Variants in DTNA observed in about 807,000 individuals in gnomAD.
DTNA encodes dystrobrevin alpha, also known as dystrophin-related protein 3.
DTNA carries 43 observed loss-of-function variants against 100.7 expected under a neutral mutation model. The observed-to-expected ratio is 0.43, with a 90% CI of 0.33 to 0.55. The LOEUF is 0.55. Among genes scored for constraint, DTNA ranks in the 20% least tolerant of loss-of-function variants. DTNA has a pLI of 0.04. For synonymous variants in DTNA, 349 were observed against 347.9 expected (o/e 1.00, Z -0.04); for missense variants, 798 against 953.9 (o/e 0.84, Z 2.15).
chr18:34,879,791 G>A, intron 20 of DTNA, 72 bp downstream of exon 20: 6 of 1,580,406 alleles, frequency 3.8e-6, no homozygotes, highest in Non-Finnish European at 5.2e-6. Flanking sequence ...GAAAGTAAAA[G>A]CATAATTGTT....
rs554364357 is a variant in DTNA at position 34,814,669 on chromosome 18, G to A, written c.604-1240G>A. ...ATTGTGCCACTGCACTCCAGCCTGG[G>A]CAGCAGAGTGAGATCCTGTCTCTAA... On this transcript the variant is annotated intron_variant, in intron 6 of 22. Transcript: ENST00000444659. Among the ~76,000 whole-genome samples the A allele has an allele frequency of 3.3e-5, 5 of 152,062 alleles. No individual in the cohort carries two copies. The South Asian group carries it at 8.3e-4, about 25-fold the overall frequency.
intron 17 of DTNA, chr18:34,868,281 A>T: frequency 4.2e-6 from 1 of 239,286 alleles, no homozygotes; most frequent in Non-Finnish European, 6.8e-6. Flanking sequence ...TTATAGGAGT[A>T]CTGGACGATA....
At chr18:34,846,294 A>G (rs2096376631) in intron 13 of DTNA, among the ~76,000 whole-genome samples, 1 of 152,126 alleles carries the variant, frequency 6.6e-6, no homozygotes, top group African/African-American at 2.4e-5. Flanking sequence ...CAGATGGTAG[A>G]TGATATTTTG....
chr18:34,650,490 T>C (rs1371028463), intron 1 of DTNA, among the ~76,000 whole-genome samples: 1 of 152,198 alleles, frequency 6.6e-6, no homozygotes, highest in Non-Finnish European at 1.5e-5. Flanking sequence ...TTTATAGTAA[T>C]GGTGGAAATT....
intron 13 of DTNA, among the ~76,000 whole-genome samples, chr18:34,845,245 T>G (rs1207028455): frequency 6.6e-6 from 1 of 152,186 alleles, no homozygotes; most frequent in African/African-American, 2.4e-5. Flanking sequence ...ATTGTTCATG[T>G]GCACAAAGGG....
chr18:34,719,744 G>A (rs1195546039), intron 1 of DTNA, among the ~76,000 whole-genome samples: 1 of 152,140 alleles, frequency 6.6e-6, no homozygotes, highest in African/African-American at 2.4e-5. Context: ...GGCAGCTCTG[G>A]ATTTTTCTTA....
chr18:34,826,441 A>G (rs1220331572), intron 9 of DTNA, among the ~76,000 whole-genome samples: 1 of 152,084 alleles, frequency 6.6e-6, no homozygotes, highest in Non-Finnish European at 1.5e-5. Flanking sequence ...AAGCCTGCAG[A>G]GCTTCAGGTC....
chr18:34,531,541 T>G (rs2043142945), intron 1 of DTNA, among the ~76,000 whole-genome samples: 1 of 152,166 alleles, frequency 6.6e-6, no homozygotes. Flanking sequence ...TTCTGTTATC[T>G]TTTTGTTTAT....
intron 2 of DTNA, among the ~76,000 whole-genome samples, chr18:34,763,465 G>A (rs868492721): frequency 1.3e-5 from 2 of 152,226 alleles, no homozygotes; most frequent in Non-Finnish European, 2.9e-5. Flanking sequence ...CCTACCCTTA[G>A]CTCCAAAATA....
Position 34,828,927 on chromosome 18 carries a change from A to C in DTNA, c.1086-473A>C, listed in dbSNP as rs1172420526. On this transcript the variant is annotated intron_variant, in intron 10 of 22. Coordinates refer to ENST00000444659, the MANE Select transcript of DTNA (RefSeq NM_001386795.1). ...CACAGGTCTGTGCATCTATCTAGGG[A>C]AGACCTGATGTGATGTTTAGAAATA... 5 of 1,181,536 alleles carry C rather than the reference A, an allele frequency of 4.2e-6. No homozygotes were observed. In the Admixed American group the frequency reaches 8.6e-5, roughly 20 times the overall value. 73.2% of individuals were successfully genotyped at this position (1,181,536 alleles called of 1,614,324 possible).
At chr18:34,835,872 G>A (rs935362463) in intron 11 of DTNA, among the ~76,000 whole-genome samples, 10 of 152,110 alleles carry the variant, frequency 6.6e-5, no homozygotes, top group African/African-American at 2.4e-4. Flanking sequence ...GCAATTATTC[G>A]GCTGTTTGCT....
chr18:34,555,617 C>T (rs989062059), intron 1 of DTNA, among the ~76,000 whole-genome samples: 2 of 151,972 alleles, frequency 1.3e-5, no homozygotes, highest in Admixed American at 1.3e-4. Flanking sequence ...TTATTTCTGC[C>T]TTCATTTCGT....
intron 9 of DTNA, among the ~76,000 whole-genome samples, chr18:34,821,316 A>G (rs140674174): frequency 1.3e-5 from 2 of 152,336 alleles, no homozygotes; most frequent in African/African-American, 4.8e-5. Flanking sequence ...ATTTCTCTGC[A>G]GACCCAGTTT....
rs3081492 is a variant in DTNA at position 34,891,266 on chromosome 18, TTG to T, written c.*3556_*3557del. ...TTTTGTATTGCTGTTAAGTATTGTT[TTG>T]TGTGTGTGTGTGTGTGTGTGTGTTG... On this transcript the variant is annotated 3_prime_UTR_variant, in exon 23 of 23. Transcript: ENST00000444659. The T allele has an allele frequency of 0.25, 37,224 of 149,846 alleles. 5,228 individuals carry two copies. Among genetic ancestry groups the T allele is most frequent in the African/African-American group, 0.39 (16,048 of 40,934 alleles). The allele number at this position is 149,846 out of a possible 1,614,324, so 9.3% of individuals were successfully genotyped here. A position where few individuals can be genotyped will look rare whatever the true frequency, so the allele number is the denominator to read the frequency against.
intron 1 of DTNA, among the ~76,000 whole-genome samples, chr18:34,526,224 T>C (rs899119865): frequency 1.3e-5 from 2 of 152,158 alleles, no homozygotes; most frequent in Admixed American, 6.6e-5. Context: ...AGTGGGAGAC[T>C]TAAAGAGGAA....
rs929501345 is a variant in DTNA at position 34,868,443 on chromosome 18, G to C, written c.1743+4381G>C. The stretch of plus-strand genomic sequence containing the variant: ...GCTGTCCAAATATAGACTTCTCATG[G>C]TAAAACATGATCTAAGGAGAGAATT... On this transcript the variant is annotated intron_variant, in intron 17 of 22. Transcript: ENST00000444659. 28 of 978,494 alleles carry C rather than the reference G, an allele frequency of 2.9e-5. No homozygotes were observed. The South Asian group carries it at 9.9e-4, about 35-fold the overall frequency. 60.6% of individuals were successfully genotyped at this position (978,494 alleles called of 1,614,324 possible). A position where few individuals can be genotyped will look rare whatever the true frequency, so the allele number is the denominator to read the frequency against.
chr18:34,752,715 T>C (rs890060227), intron 1 of DTNA, among the ~76,000 whole-genome samples: 1 of 152,194 alleles, frequency 6.6e-6, no homozygotes, highest in African/African-American at 2.4e-5. Context: ...GATTTTTCTA[T>C]CTCTTCCAAG....
chr18:34,835,586 G>A (rs1302624808), intron 11 of DTNA, among the ~76,000 whole-genome samples: 2 of 151,970 alleles, frequency 1.3e-5, no homozygotes, highest in Non-Finnish European at 2.9e-5. Context: ...AAAAAAAAAA[G>A]GAGAAGGCCA....
chr18:34,789,409 C>T (rs899072206), intron 3 of DTNA, among the ~76,000 whole-genome samples: 1 of 152,194 alleles, frequency 6.6e-6, no homozygotes, highest in Non-Finnish European at 1.5e-5. Flanking sequence ...CATAAAGAGC[C>T]AAATCCTTAT....
Sources: allele counts gnomAD v4.1 joint callset (sites outside exome capture counted in the v4.1 genomes callset), GRCh38; gene constraint gnomAD v4.1.1; transcripts MANE v1.5; gene names NCBI Gene and HGNC (gene_info 2026-07-23, HGNC 2026-07-21).